Variants in PIBF1 observed in about 807,000 individuals in gnomAD.
The protein encoded by PIBF1 is progesterone-induced-blocking factor 1.
PIBF1 carries 90 observed loss-of-function variants against 112.5 expected under a neutral mutation model. The observed-to-expected ratio is 0.80, with a 90% CI of 0.67 to 0.95. The LOEUF (loss-of-function observed/expected upper bound fraction) is 0.95, where lower values mean the gene tolerates loss of function less well. Ranked by LOEUF, PIBF1 falls within the 40% of genes least tolerant of loss-of-function variation. PIBF1 has a pLI of 0.00. For missense variants in PIBF1, 915 were observed against 852.3 expected (o/e 1.07, Z -0.92); for synonymous variants, 301 against 288.6 (o/e 1.04, Z -0.44).
chr13:72,836,140 A>G (rs558028712), intron 9 of PIBF1: 4 of 452,260 alleles, frequency 8.8e-6, no homozygotes, highest in Non-Finnish European at 1.8e-5. Flanking sequence ...TTATTCATGC[A>G]GTTACTTTTA....
At chr13:72,887,260 A>G (rs747233504) in intron 10 of PIBF1, among the ~76,000 whole-genome samples, 14 of 151,952 alleles carry the variant, frequency 9.2e-5, no homozygotes, top group Non-Finnish European at 1.5e-4. Flanking sequence ...TAAAATCTCT[A>G]AGATAACATT....
rs7997773 is a variant in PIBF1 at position 72,809,059 on chromosome 13, C to T, written c.672+11033C>T. Among the ~76,000 whole-genome samples the T allele has an allele frequency of 9.7e-4, 146 of 150,294 alleles. 1 individual carries two copies. The highest frequency in any genetic ancestry group is 3.5e-3 in the Middle Eastern group (1 of 282). On this transcript the variant is annotated intron_variant, in intron 5 of 17. Transcript: ENST00000326291. ...AAAATAAAATTACTCTCAGTCTTTC[C>T]GTTTTACTTTATGGATCTTTCTTAT...
At chr13:72,821,765 C>T in intron 5 of PIBF1, 84 bp from the exon 6 acceptor site, 1 of 975,386 alleles carries the variant, frequency 1.0e-6, no homozygotes, top group South Asian at 2.2e-5. Flanking sequence ...ACAATCACAG[C>T]TTAACAGAAG....
chr13:72,840,535 T>C (rs1270238729), intron 9 of PIBF1, among the ~76,000 whole-genome samples: 2 of 151,486 alleles, frequency 1.3e-5, no homozygotes, highest in Non-Finnish European at 2.9e-5. Context: ...TTTTTTTTTT[T>C]TTTTTTTTGA....
At chr13:72,818,242 T>C (rs190142628) in intron 5 of PIBF1, among the ~76,000 whole-genome samples, 271 of 152,300 alleles carry the variant, frequency 1.8e-3, no homozygotes, top group Admixed American at 2.5e-3. Context: ...TTGGAACTCA[T>C]CATCTGGATA....
chr13:72,872,571 G>A (rs1472454294), intron 10 of PIBF1, among the ~76,000 whole-genome samples: 2 of 152,074 alleles, frequency 1.3e-5, no homozygotes, highest in African/African-American at 4.8e-5. Context: ...TAATTGCTGT[G>A]GAGTAATATT....
At chr13:72,917,298 CAAAAT>C (rs2041136886) in intron 13 of PIBF1, 132 bp downstream of exon 13, 2 of 418,160 alleles carry the variant, frequency 4.8e-6, no homozygotes, top group Non-Finnish European at 8.5e-6. Flanking sequence ...AAATTTCTCA[CAAAAT>C]AAAACACTAA....
chr13:72,979,500 CT>C (rs752621962), intron 16 of PIBF1, among the ~76,000 whole-genome samples: 3 of 152,126 alleles, frequency 2.0e-5, no homozygotes, highest in Non-Finnish European at 4.4e-5. Context: ...GCTCTTGGAG[CT>C]GTAGAAGGGC....
At chr13:72,973,349 G>A (rs1006227220) in intron 15 of PIBF1, among the ~76,000 whole-genome samples, 4 of 150,770 alleles carry the variant, frequency 2.7e-5, no homozygotes, top group Non-Finnish European at 5.9e-5. Flanking sequence ...GAAAGGAAAA[G>A]AAAAGAGGAG....
chr13:72,972,399 C>G (rs1226763255), intron 15 of PIBF1, among the ~76,000 whole-genome samples: 1 of 152,168 alleles, frequency 6.6e-6, no homozygotes, highest in Non-Finnish European at 1.5e-5. Context: ...TGCGGTGGCT[C>G]ACGCCTATAA....
chr13:72,820,262 G>A (rs1418038561), intron 5 of PIBF1, among the ~76,000 whole-genome samples: 2 of 152,118 alleles, frequency 1.3e-5, no homozygotes, highest in African/African-American at 4.8e-5. Context: ...GAATTCTGGA[G>A]CTTGCCTTCC....
At chr13:73,001,936 G>T (rs1334297722) in intron 17 of PIBF1, among the ~76,000 whole-genome samples, 1 of 151,926 alleles carries the variant, frequency 6.6e-6, no homozygotes, top group African/African-American at 2.4e-5. Flanking sequence ...TTTTTTTAAT[G>T]TGCTTTTTTA....
chr13:72,858,026 TGTGTG>T (rs1566366963), intron 10 of PIBF1, among the ~76,000 whole-genome samples: 179 of 1,858 alleles, frequency 0.096, no homozygotes, highest in Middle Eastern at 0.33. Context: ...ATGTACATTG[TGTGTG>T]TGTGTGTGTG....
chr13:72,968,074 C>T (rs972178043), intron 15 of PIBF1, among the ~76,000 whole-genome samples: 1 of 151,436 alleles, frequency 6.6e-6, no homozygotes, highest in African/African-American at 2.4e-5. Flanking sequence ...GTCCCAGCTA[C>T]TCGGGAGGCT....
intron 16 of PIBF1, among the ~76,000 whole-genome samples, chr13:72,991,995 G>A (rs1439957014): frequency 6.6e-6 from 1 of 152,160 alleles, no homozygotes; most frequent in African/African-American, 2.4e-5. Flanking sequence ...TGGGATTACA[G>A]GCGTCAGCCA....
intron 10 of PIBF1, among the ~76,000 whole-genome samples, chr13:72,858,916 C>T (rs1457866622): frequency 6.6e-6 from 1 of 152,102 alleles, no homozygotes; most frequent in East Asian, 1.9e-4. Context: ...TATTAAGGAA[C>T]ATATTAGTAG....
intron 14 of PIBF1, among the ~76,000 whole-genome samples, chr13:72,945,290 A>T (rs978399784): frequency 6.6e-6 from 1 of 152,102 alleles, no homozygotes; most frequent in Non-Finnish European, 1.5e-5. Flanking sequence ...TATCCAATCC[A>T]TTGTTATGGG....
chr13:72,988,379 G>A (rs1361491253), intron 16 of PIBF1, among the ~76,000 whole-genome samples: 1 of 151,978 alleles, frequency 6.6e-6, no homozygotes, highest in African/African-American at 2.4e-5. Context: ...CAATCCCAGG[G>A]TGATGTTACC....
intron 16 of PIBF1, among the ~76,000 whole-genome samples, chr13:72,979,289 C>A (rs1400048409): frequency 6.6e-6 from 1 of 152,178 alleles, no homozygotes; most frequent in African/African-American, 2.4e-5. Flanking sequence ...CTGTTTTTAT[C>A]CACTCATCTT....
Sources: gnomAD v4.1 joint callset for allele counts (sites outside exome capture counted in the v4.1 genomes callset) on GRCh38, gnomAD v4.1.1 for gene constraint, MANE v1.5 for transcripts, NCBI Gene and HGNC (gene_info 2026-07-23, HGNC 2026-07-21) for gene names.